The following PDZD2 variants were observed in gnomAD, a reference collection of about 807,000 sequenced individuals.
PDZD2 encodes the protein PDZ domain-containing protein 2.
In PDZD2, 90 loss-of-function variants were observed where a neutral mutation model predicts 220.7. The ratio of observed to expected loss-of-function variants is 0.41; its 90% CI spans 0.34 to 0.49. The LOEUF is 0.49. PDZD2 is among the 20% of genes least tolerant of loss of function. PDZD2 has a pLI of 0.28. For synonymous variants in PDZD2, 1,375 were observed against 1,450.5 expected (o/e 0.95, Z 1.18); for missense variants, 3,174 against 3,608.5 (o/e 0.88, Z 3.08).
At chr5:32,059,193 T>G (rs200734372) in intron 12 of PDZD2, 46 bp from the exon 13 acceptor site, 32 of 968,444 alleles carry the variant, frequency 3.3e-5, no homozygotes, top group Non-Finnish European at 5.0e-5. Flanking sequence ...TTTCTAGTGA[T>G]TGTGTAATTT....
intron 1 of PDZD2, among the ~76,000 whole-genome samples, chr5:31,640,380 G>C (rs1365383191): frequency 6.6e-6 from 1 of 152,342 alleles, no homozygotes; most frequent in Admixed American, 6.5e-5. Context: ...ACTGGCCGTT[G>C]GGCAGTGTTG....
intron 6 of PDZD2, among the ~76,000 whole-genome samples, chr5:32,012,036 G>A (rs1271195749): frequency 2.6e-5 from 4 of 152,256 alleles, no homozygotes; most frequent in South Asian, 2.1e-4. Context: ...ATGATGTGGC[G>A]GTACAACAGC....
chr5:32,108,296 G>GCAA lies in PDZD2; in HGVS notation c.*164_*166dup, dbSNP rs371222523. The stretch of plus-strand genomic sequence containing the variant: ...CATGAAGCCTGACTTAACTGTATGT[G>GCAA]CAACAGCAATGAAATTAACTCCAGA... On this transcript the variant is annotated 3_prime_UTR_variant, in exon 25 of 25. Transcript: ENST00000438447. 7 of 484,552 alleles carry GCAA rather than the reference G, an allele frequency of 1.4e-5. No individual in the cohort carries two copies. Among genetic ancestry groups the GCAA allele is most frequent in the African/African-American group, 1.4e-4 (7 of 50,746 alleles). The allele number at this position is 484,552 out of a possible 1,614,324, so 30.0% of individuals were successfully genotyped here.
At chr5:31,816,014 C>T (rs768973290) in intron 2 of PDZD2, among the ~76,000 whole-genome samples, 2 of 151,856 alleles carry the variant, frequency 1.3e-5, no homozygotes, top group African/African-American at 4.8e-5. Flanking sequence ...TTGGGCCGGG[C>T]GCAGTGGCTC....
At position 31,905,007 on chromosome 5, in the gene PDZD2, C is replaced by T. The variant is rs369323494; in HGVS notation, c.477-78148C>T. ...TTTTGGAGACAGAGTCTTGCTCTGT[C>T]ACCCAGGCCGGAGTGCAGTGGCCCG... is the stretch of plus-strand genomic sequence containing the variant. On this transcript the variant is annotated intron_variant, in intron 2 of 24. Transcript: ENST00000438447. Among the ~76,000 whole-genome samples the T allele has an allele frequency of 2.8e-4, 42 of 152,112 alleles. No homozygotes were observed. In the South Asian group the frequency reaches 8.1e-3, roughly 29 times the overall value.
intron 1 of PDZD2, among the ~76,000 whole-genome samples, chr5:31,710,777 T>C (rs989674449): frequency 2.0e-5 from 3 of 149,876 alleles, no homozygotes; most frequent in Non-Finnish European, 4.4e-5. Context: ...GATCGCGCCA[T>C]TGCACTCCAG....
intron 5 of PDZD2, among the ~76,000 whole-genome samples, chr5:32,006,934 GAGA>G (rs1752867978): frequency 1.9e-4 from 1 of 5,286 alleles, no homozygotes; most frequent in Non-Finnish European, 2.0e-3. Context: ...TTTTTTTTTT[GAGA>G]CGGAGTCTCG....
rs774276546 is a variant in PDZD2, at chr5:31,912,850, C to T, written c.477-70305C>T. Among the ~76,000 whole-genome samples the T allele has an allele frequency of 1.8e-4, 28 of 152,260 alleles. 1 individual carries two copies. The highest frequency in any genetic ancestry group is 1.2e-3 in the South Asian group (6 of 4,818). On this transcript the variant is annotated intron_variant, in intron 2 of 24. Coordinates refer to ENST00000438447, the MANE Select transcript of PDZD2 (RefSeq NM_178140.4). ...GGGTGAGGAACATAACCTTCCATTCCCACGTTTCTCTCTGAAGTTCGGGCT... is the reference window on the plus strand; with the variant it reads ...GGGTGAGGAACATAACCTTCCATTCTCACGTTTCTCTCTGAAGTTCGGGCT...
At chr5:31,752,640 C>G (rs1381989354) in intron 1 of PDZD2, among the ~76,000 whole-genome samples, 1 of 152,028 alleles carries the variant, frequency 6.6e-6, no homozygotes, top group East Asian at 1.9e-4. Flanking sequence ...GTCTCGAACT[C>G]CTGAGCTCAA....
chr5:31,688,016 T>C (rs1746943013), intron 1 of PDZD2, among the ~76,000 whole-genome samples: 1 of 152,220 alleles, frequency 6.6e-6, no homozygotes, highest in African/African-American at 2.4e-5. Context: ...CCTCAGGGCC[T>C]GAGCTGTTTT....
intron 2 of PDZD2, among the ~76,000 whole-genome samples, chr5:31,849,917 T>C (rs1350173495): frequency 0.014 from 315 of 22,178 alleles, 60 homozygotes; most frequent in East Asian, 0.032. Flanking sequence ...TATATATATA[T>C]ACATATATAT....
intron 6 of PDZD2, among the ~76,000 whole-genome samples, chr5:32,026,933 C>T (rs528563726): frequency 2.0e-5 from 3 of 152,190 alleles, no homozygotes; most frequent in East Asian, 1.9e-4. Context: ...GACAGAGTCT[C>T]GCTCTGTCGC....
chr5:31,888,191 T>C (rs1580999385), intron 2 of PDZD2, among the ~76,000 whole-genome samples: 1 of 152,110 alleles, frequency 6.6e-6, no homozygotes, highest in Non-Finnish European at 1.5e-5. Flanking sequence ...TCTTCTCTTT[T>C]CTCTTTCCTT....
Position 32,088,526 on chromosome 5 carries a change from C to T in PDZD2, c.5078C>T (p.Ala1693Val), listed in dbSNP as rs200464095. 1 of 1,614,020 alleles carries T rather than the reference C, an allele frequency of 6.2e-7. No individual in the cohort carries two copies. Among genetic ancestry groups the T allele is most frequent in the African/African-American group, 1.3e-5 (1 of 75,038 alleles). ...STSQNHRPSC[A>V]EETTEVTSAS... ...TCACAGAACCACAGGCCCTCGTGTG[C>T]AGAAGAAACCACAGAAGTCACCAGC... Residue 1693 changes from alanine to valine, a missense_variant, in exon 20 of 25, where the codon GCA becomes GTA. Coordinates refer to ENST00000438447, the MANE Select transcript of PDZD2 (RefSeq NM_178140.4). The surrounding 1 kb of genome is among the most constrained non-coding windows in gnomAD (Gnocchi z 4.6).
At chr5:31,759,433 C>A (rs994027558) in intron 1 of PDZD2, among the ~76,000 whole-genome samples, 1 of 152,034 alleles carries the variant, frequency 6.6e-6, no homozygotes, top group Non-Finnish European at 1.5e-5. Context: ...AACATGTGGC[C>A]CATGGAACAT....
Position 32,087,515 on chromosome 5 carries a change from G to A in PDZD2, c.4067G>A (p.Gly1356Asp). 6.2e-7 allele frequency: 1 copy of A among 1,613,166 alleles called. No individual in the cohort carries two copies. The highest frequency in any genetic ancestry group is 8.5e-7 in the Non-Finnish European group (1 of 1,179,510). Residue 1356 changes from glycine (G) to aspartate (D), a missense_variant, in exon 20 of 25, where the codon GGT becomes GAT. Gly to Asp is a moderately conservative substitution (Grantham distance 94). Coordinates refer to ENST00000438447, the MANE Select transcript of PDZD2 (RefSeq NM_178140.4). This position sits in a 1 kb window ranked among gnomAD's most constrained non-coding sequence, Gnocchi z 4.0. ...CAGGAGCAGAGACAGGGAGCTCCAG[G>A]TAACCACAGTAAGGCTCTGGAAATG... The part of the protein sequence containing the change: ...TSQEQRQGAP[G>D]NHSKALEMTG...
At chr5:31,655,072 A>G (rs1745493658) in intron 1 of PDZD2, among the ~76,000 whole-genome samples, 1 of 152,036 alleles carries the variant, frequency 6.6e-6, no homozygotes, top group Non-Finnish European at 1.5e-5. Flanking sequence ...TTCAAATGTC[A>G]CCATCAGTGG....
chr5:31,699,941 A>G (rs528228712), intron 1 of PDZD2, among the ~76,000 whole-genome samples: 17 of 152,130 alleles, frequency 1.1e-4, no homozygotes, highest in Non-Finnish European at 1.8e-4. Flanking sequence ...AGATTTAACT[A>G]AAGAGTCTGA....
At chr5:31,821,682 A>G (rs1005149499) in intron 2 of PDZD2, among the ~76,000 whole-genome samples, 2 of 151,496 alleles carry the variant, frequency 1.3e-5, no homozygotes, top group Non-Finnish European at 2.9e-5. Flanking sequence ...CCCGGCCATG[A>G]TTTTTTTTTA....
Sources: allele counts gnomAD v4.1 joint callset (sites outside exome capture counted in the v4.1 genomes callset), GRCh38; gene constraint gnomAD v4.1.1; non-coding constraint Gnocchi (gnomAD v3.1); transcripts MANE v1.5; gene names NCBI Gene and HGNC (gene_info 2026-07-23, HGNC 2026-07-21).